LRRTM4: variants seen among roughly 807,000 people sequenced by gnomAD.
LRRTM4 encodes the protein leucine-rich repeat transmembrane neuronal protein 4.
Under a neutral mutation model 47.6 loss-of-function variants are expected in LRRTM4, and 25 were observed. The ratio of observed to expected loss-of-function variants is 0.53; its 90% CI spans 0.38 to 0.73. The LOEUF (loss-of-function observed/expected upper bound fraction) is 0.73. Ranked by LOEUF, LRRTM4 falls within the 30% of genes least tolerant of loss-of-function variation. LRRTM4 has a pLI of 0.00. For missense variants in LRRTM4, 638 were observed against 713.4 expected (o/e 0.89, Z 1.20); for synonymous variants, 311 against 269.5 (o/e 1.15, Z -1.51).
At chr2:77,011,963 C>A (rs1677892179) in intron 3 of LRRTM4, among the ~76,000 whole-genome samples, 1 of 151,922 alleles carries the variant, frequency 6.6e-6, no homozygotes, top group South Asian at 2.1e-4. Flanking sequence ...CCCACATTTA[C>A]AAGGTAAGTT....
intron 3 of LRRTM4, among the ~76,000 whole-genome samples, chr2:76,824,978 T>A (rs1322428521): frequency 6.6e-6 from 1 of 151,678 alleles, no homozygotes; most frequent in African/African-American, 2.4e-5. Flanking sequence ...TACTGCTTAT[T>A]TATTATTTAC....
Position 77,052,548 on chromosome 2 carries a change from A to G in LRRTM4, c.1552-303632T>C, listed in dbSNP as rs111651460. Among the ~76,000 whole-genome samples the G allele has an allele frequency of 9.8e-3, 1,486 of 152,172 alleles. 24 individuals are homozygous for G. Among genetic ancestry groups the G allele is most frequent in the African/African-American group, 0.035 (1,432 of 41,496 alleles). On this transcript the variant is annotated intron_variant, in intron 3 of 3. Coordinates refer to ENST00000409884, the MANE Select transcript of LRRTM4 (RefSeq NM_001134745.3). ...GGCCATGTTACTCATCTAATAAGTT[A>G]AAGTCTCCTCCCATCTTTCAACTGG...
In LRRTM4 at chr2:77,131,678, C is replaced by G. The variant is rs1336671064; in HGVS notation, c.1552-382762G>C. Reference sequence around the variant, plus strand: ...CTTTACACTATGGGGGAAATTATGGCTCAGGACAATGGGGAAGAATTTAGA... The same window carrying G: ...CTTTACACTATGGGGGAAATTATGGGTCAGGACAATGGGGAAGAATTTAGA... On this transcript the variant is annotated intron_variant, in intron 3 of 3. Coordinates refer to ENST00000409884, the MANE Select transcript of LRRTM4 (RefSeq NM_001134745.3). 5.3e-5 allele frequency among the ~76,000 whole-genome samples: 8 copies of G among 152,168 alleles called. No individual in the cohort carries two copies. In the South Asian group the frequency reaches 1.7e-3, roughly 32 times the overall value.
intron 3 of LRRTM4, among the ~76,000 whole-genome samples, chr2:76,909,450 T>A (rs1424626047): frequency 6.6e-6 from 1 of 152,060 alleles, no homozygotes; most frequent in Middle Eastern, 3.4e-3. Context: ...ACTTCATGTC[T>A]AAAACACCAA....
chr2:76,795,664 A>G (rs994476353), intron 3 of LRRTM4, among the ~76,000 whole-genome samples: 1 of 152,194 alleles, frequency 6.6e-6, no homozygotes, highest in East Asian at 1.9e-4. Context: ...GCTATTATGA[A>G]TAACATTTCA....
chr2:77,064,246 C>A (rs1356297986), intron 3 of LRRTM4, among the ~76,000 whole-genome samples: 1 of 151,910 alleles, frequency 6.6e-6, no homozygotes, highest in Non-Finnish European at 1.5e-5. Context: ...GTTGCATAAG[C>A]TTAAAGAAGT....
At chr2:77,359,555 A>G (rs11896649) in intron 3 of LRRTM4, among the ~76,000 whole-genome samples, 12,709 of 152,222 alleles carry the variant, frequency 0.083, 874 homozygotes, top group African/African-American at 0.18. Context: ...TGCATAGTAC[A>G]CTTAGGTTTT....
chr2:77,234,176 G>C (rs1024145260), intron 3 of LRRTM4, among the ~76,000 whole-genome samples: 2 of 152,090 alleles, frequency 1.3e-5, no homozygotes, highest in African/African-American at 4.8e-5. Flanking sequence ...AACATCTATT[G>C]AATTGGGTTA....
At chr2:76,981,978 G>A (rs1676624919) in intron 3 of LRRTM4, among the ~76,000 whole-genome samples, 1 of 152,112 alleles carries the variant, frequency 6.6e-6, no homozygotes, top group Admixed American at 6.6e-5. Flanking sequence ...CTCGGAGAAG[G>A]TTTACTTGCC....
Position 76,861,355 on chromosome 2 carries a change from T to C in LRRTM4, c.1552-112439A>G, listed in dbSNP as rs534068542. On this transcript the variant is annotated intron_variant, in intron 3 of 3. Coordinates refer to ENST00000409884, the MANE Select transcript of LRRTM4 (RefSeq NM_001134745.3). ...TTTAAACTGAGTCACTAAGAATCTTTCTGCACATCACCAATTGATTTGATT... is the reference window on the plus strand; with the variant it reads ...TTTAAACTGAGTCACTAAGAATCTTCCTGCACATCACCAATTGATTTGATT... Among the ~76,000 whole-genome samples the C allele has an allele frequency of 2.3e-4, 35 of 152,282 alleles. No homozygotes were observed. In the South Asian group the frequency reaches 6.8e-3, roughly 30 times the overall value.
chr2:77,041,822 A>G (rs1191705129), intron 3 of LRRTM4, among the ~76,000 whole-genome samples: 1 of 150,000 alleles, frequency 6.7e-6, no homozygotes, highest in Non-Finnish European at 1.5e-5. Flanking sequence ...TGCTTTTGAA[A>G]GTAATGGCAA....
At chr2:77,267,089 A>C (rs964851069) in intron 3 of LRRTM4, among the ~76,000 whole-genome samples, 10 of 152,170 alleles carry the variant, frequency 6.6e-5, no homozygotes, top group Admixed American at 5.2e-4. Flanking sequence ...GTCCCCATAC[A>C]AATTTTCCAA....
chr2:77,453,259 G>A (rs1676336320), intron 3 of LRRTM4, among the ~76,000 whole-genome samples: 1 of 138,406 alleles, frequency 7.2e-6, no homozygotes, highest in Non-Finnish European at 1.5e-5. Flanking sequence ...TCTGTTCACT[G>A]CAAGCTCCGC....
At chr2:76,930,369 C>T (rs1674731609) in intron 3 of LRRTM4, among the ~76,000 whole-genome samples, 1 of 152,156 alleles carries the variant, frequency 6.6e-6, no homozygotes, top group Non-Finnish European at 1.5e-5. Context: ...GGTTAATATC[C>T]ATCAGCAGTT....
chr2:76,945,843 T>G (rs1226274892), intron 3 of LRRTM4, among the ~76,000 whole-genome samples: 1 of 151,916 alleles, frequency 6.6e-6, no homozygotes, highest in Non-Finnish European at 1.5e-5. Context: ...CAAAACTGGT[T>G]TATGACTTAA....
intron 3 of LRRTM4, among the ~76,000 whole-genome samples, chr2:77,240,786 T>A (rs1045566471): frequency 1.3e-5 from 2 of 151,976 alleles, no homozygotes; most frequent in African/African-American, 4.8e-5. Flanking sequence ...TTGAAATTTA[T>A]AATAAAATGG....
intron 3 of LRRTM4, among the ~76,000 whole-genome samples, chr2:76,861,905 C>A (rs1219107878): frequency 6.6e-6 from 1 of 152,090 alleles, no homozygotes; most frequent in Non-Finnish European, 1.5e-5. Flanking sequence ...ATCAATACAC[C>A]CTGTGGTTTT....
intron 3 of LRRTM4, among the ~76,000 whole-genome samples, chr2:77,377,877 T>C (rs984775777): frequency 6.6e-6 from 1 of 151,972 alleles, no homozygotes; most frequent in African/African-American, 2.4e-5. Context: ...TGCAAACACA[T>C]TATTTTGTCT....
Position 76,864,644 on chromosome 2 carries a change from G to A in LRRTM4, c.1552-115728C>T, listed in dbSNP as rs376687314. On this transcript the variant is annotated intron_variant, in intron 3 of 3. Coordinates refer to ENST00000409884, the MANE Select transcript of LRRTM4 (RefSeq NM_001134745.3). ...CATTGCATTCCAGCCTGGGCAACAA[G>A]AGTGAAACTCCATCCCAAAAAAAAA... 6.0e-3 allele frequency among the ~76,000 whole-genome samples: 874 copies of A among 146,822 alleles called. 10 individuals carry two copies. The highest frequency in any genetic ancestry group is 0.021 in the African/African-American group (836 of 39,594).
Sources: gnomAD v4.1 joint callset for allele counts (sites outside exome capture counted in the v4.1 genomes callset) on GRCh38, gnomAD v4.1.1 for gene constraint, MANE v1.5 for transcripts, NCBI Gene and HGNC (gene_info 2026-07-23, HGNC 2026-07-21) for gene names.